Variants in XRCC4 observed in about 807,000 individuals in gnomAD.
XRCC4 encodes DNA repair protein XRCC4.
A neutral mutation model predicts 39.1 loss-of-function variants in XRCC4; 28 were observed. The observed-to-expected ratio is 0.72, with a 90% confidence interval of 0.53 to 0.98. XRCC4 has a LOEUF of 0.98. Ranked by LOEUF, XRCC4 falls within the 50% of genes least tolerant of loss-of-function variation. XRCC4 has a pLI of 0.00. For synonymous variants in XRCC4, 123 were observed against 126.4 expected (o/e 0.97, Z 0.18); for missense variants, 350 against 376.4 (o/e 0.93, Z 0.58).
chr5:83,272,300 C>G (rs767961905), intron 7 of XRCC4, among the ~76,000 whole-genome samples: 5 of 151,964 alleles, frequency 3.3e-5, no homozygotes, highest in Non-Finnish European at 5.9e-5. Context: ...AAAGTCATAC[C>G]CCCCCAAACC....
chr5:83,129,358 A>G (rs1210817807), intron 3 of XRCC4, among the ~76,000 whole-genome samples: 2 of 151,838 alleles, frequency 1.3e-5, no homozygotes, highest in Non-Finnish European at 2.9e-5. Context: ...TACCAGTACC[A>G]TGCTGTTTTG....
the XRCC4 span, among the ~76,000 whole-genome samples, chr5:83,365,029 T>C: frequency 9.7e-4 from 148 of 152,318 alleles, no homozygotes; most frequent in African/African-American, 3.4e-3. Context: ...GGCGGTTTAT[T>C]TGGTAAAATC....
At chr5:83,140,898 C>A (rs141618027) in intron 3 of XRCC4, among the ~76,000 whole-genome samples, 3 of 152,296 alleles carry the variant, frequency 2.0e-5, no homozygotes, top group Admixed American at 6.5e-5. Context: ...CACTCTTACC[C>A]TACTACACTC....
intron 1 of XRCC4, among the ~76,000 whole-genome samples, chr5:83,102,864 G>A (rs2112363426): frequency 6.6e-6 from 1 of 151,830 alleles, no homozygotes; most frequent in South Asian, 2.1e-4. Flanking sequence ...AAGTGCTGTG[G>A]TAAGAAGAGC....
intron 6 of XRCC4, among the ~76,000 whole-genome samples, chr5:83,225,736 G>A (rs1310660775): frequency 2.6e-5 from 4 of 151,524 alleles, no homozygotes; most frequent in Admixed American, 2.0e-4. Flanking sequence ...ATTCCCCACT[G>A]TAAGTTCATT....
At position 83,122,460 on chromosome 5, in the gene XRCC4, G is replaced by A. The variant is rs28383159; in HGVS notation, c.315+11257G>A. Among the ~76,000 whole-genome samples, 348 of 152,168 alleles carry A rather than the reference G, an allele frequency of 2.3e-3. 2 individuals carry two copies. The highest frequency in any genetic ancestry group is 3.8e-3 in the Non-Finnish European group (257 of 68,004). On this transcript the variant is annotated intron_variant, in intron 3 of 7. Coordinates refer to ENST00000396027, the MANE Select transcript of XRCC4 (RefSeq NM_003401.5). ...GGGATGTTGCTAAGTATTCTATAAGGTGCAGGGCTTCCCTCCACCCCAAAA... is the reference window on the plus strand; with the variant it reads ...GGGATGTTGCTAAGTATTCTATAAGATGCAGGGCTTCCCTCCACCCCAAAA...
intron 3 of XRCC4, among the ~76,000 whole-genome samples, chr5:83,193,169 C>T (rs1750788335): frequency 6.6e-6 from 1 of 152,046 alleles, no homozygotes; most frequent in South Asian, 2.1e-4. Context: ...CCCCTTGCAT[C>T]TGTAGTAATG....
chr5:83,303,383 C>T (rs1259182616), intron 7 of XRCC4, among the ~76,000 whole-genome samples: 3 of 152,030 alleles, frequency 2.0e-5, no homozygotes, highest in African/African-American at 7.2e-5. Context: ...TAGGATTAAA[C>T]CAAAACATTT....
At chr5:83,258,417 A>G (rs748349509) in intron 6 of XRCC4, 113 bp from the exon 7 acceptor site, 16 of 1,270,958 alleles carry the variant, frequency 1.3e-5, no homozygotes, top group Non-Finnish European at 1.7e-5. Flanking sequence ...TTGAAAGAAT[A>G]GTTTTGCTAT....
At chr5:83,208,591 A>G (rs1751510304) in intron 6 of XRCC4, among the ~76,000 whole-genome samples, 1 of 151,966 alleles carries the variant, frequency 6.6e-6, no homozygotes, top group African/African-American at 2.4e-5. Context: ...CACTGCCATT[A>G]GGATTACTGA....
intron 1 of XRCC4, among the ~76,000 whole-genome samples, chr5:83,103,009 G>T (rs1483222606): frequency 9.4e-5 from 10 of 106,454 alleles, no homozygotes; most frequent in South Asian, 6.8e-4. Flanking sequence ...AGATAGAGCT[G>T]ATATATATAT....
Position 83,204,921 on chromosome 5 carries a change from G to A in XRCC4, c.745G>A (p.Ala249Thr). ...AACTGATCTCTCTGGGTTGGCTTCA[G>A]GTAAGAGATACATACATTTATCTCC... ...NQTDLSGLAS[A>T]AVSKDDSIIS... Residue 249 changes from alanine to threonine, a missense_variant and splice_region_variant, in exon 6 of 8, where the codon GCT becomes ACT. Ala to Thr is a moderately conservative substitution (Grantham distance 58, BLOSUM62 0). Coordinates refer to ENST00000396027, the MANE Select transcript of XRCC4 (RefSeq NM_003401.5). 1.2e-6 allele frequency: 2 copies of A among 1,601,642 alleles called. No individual in the cohort carries two copies. The highest frequency in any genetic ancestry group is 1.3e-5 in the African/African-American group (1 of 74,724).
intron 3 of XRCC4, among the ~76,000 whole-genome samples, chr5:83,113,736 C>T (rs779794446): frequency 6.6e-6 from 1 of 152,092 alleles, no homozygotes; most frequent in Admixed American, 6.5e-5. Context: ...ATGCCATTCT[C>T]CTGCCTCAGC....
At chr5:83,312,910 A>T (rs780412096) in intron 7 of XRCC4, among the ~76,000 whole-genome samples, 33 of 152,180 alleles carry the variant, frequency 2.2e-4, no homozygotes, top group Non-Finnish European at 3.5e-4. Flanking sequence ...TAGTAAAGTC[A>T]TTGGACTAGG....
intron 3 of XRCC4, among the ~76,000 whole-genome samples, chr5:83,166,051 A>T (rs777215424): frequency 2.1e-4 from 32 of 151,696 alleles, no homozygotes; most frequent in Non-Finnish European, 3.4e-4. Flanking sequence ...ACGCCTGGCT[A>T]ATTTTTTGTA....
chr5:83,186,765 T>A (rs965674), intron 3 of XRCC4, among the ~76,000 whole-genome samples: 71,811 of 151,856 alleles, frequency 0.47, 17,647 homozygotes, highest in African/African-American at 0.57. Flanking sequence ...TTTACCAAAC[T>A]TAACATAAAT....
chr5:83,188,491 A>G (rs1239694863), intron 3 of XRCC4, among the ~76,000 whole-genome samples: 1 of 152,226 alleles, frequency 6.6e-6, no homozygotes, highest in East Asian at 1.9e-4. Flanking sequence ...TTATGTCACT[A>G]TAAAGAAATT....
At chr5:83,152,603 A>G (rs1748760049) in intron 3 of XRCC4, among the ~76,000 whole-genome samples, 1 of 149,542 alleles carries the variant, frequency 6.7e-6, no homozygotes. Context: ...ACTGCACTCC[A>G]GCCTGGACGA....
intron 3 of XRCC4, among the ~76,000 whole-genome samples, chr5:83,172,320 A>C (rs1214467804): frequency 6.6e-6 from 1 of 152,166 alleles, no homozygotes; most frequent in Non-Finnish European, 1.5e-5. Flanking sequence ...AACTTTTCCA[A>C]ACAAGCCTTC....
Sources: allele counts gnomAD v4.1 joint callset (sites outside exome capture counted in the v4.1 genomes callset), GRCh38; gene constraint gnomAD v4.1.1; transcripts MANE v1.5; gene names NCBI Gene and HGNC (gene_info 2026-07-23, HGNC 2026-07-21).